PTPRD: variants seen among roughly 807,000 people sequenced by gnomAD.
The protein encoded by PTPRD is protein tyrosine phosphatase receptor type D, also known as receptor-type tyrosine-protein phosphatase delta.
PTPRD carries 34 observed loss-of-function variants against 214.5 expected under a neutral mutation model. That is an observed-to-expected ratio of 0.16 (90% confidence interval 0.12 to 0.21). PTPRD has a LOEUF of 0.21. Among genes scored for constraint, PTPRD ranks in the 10% least tolerant of loss-of-function variants. The probability of loss-of-function intolerance (pLI) is 1.00; values close to 1 mark genes in which losing one functional copy is unlikely to be tolerated. For synonymous variants in PTPRD, 1,128 were observed against 845.7 expected (o/e 1.33, Z -5.79); for missense variants, 2,545 against 2,398.7 (o/e 1.06, Z -1.27).
chr9:9,468,951 A>G (rs1282759965), intron 8 of PTPRD, among the ~76,000 whole-genome samples: 1 of 152,126 alleles, frequency 6.6e-6, no homozygotes, highest in Non-Finnish European at 1.5e-5. Flanking sequence ...GGTTACATCA[A>G]AATCTCACAG....
intron 2 of PTPRD, among the ~76,000 whole-genome samples, chr9:10,448,536 T>C (rs910000057): frequency 5.3e-5 from 8 of 152,012 alleles, no homozygotes; most frequent in African/African-American, 1.9e-4. Flanking sequence ...GTGGGTAAAG[T>C]GGCAAGTGAT....
chr9:9,550,962 G>T (rs2080073182), intron 8 of PTPRD, among the ~76,000 whole-genome samples: 1 of 151,838 alleles, frequency 6.6e-6, no homozygotes, highest in South Asian at 2.1e-4. Context: ...GGCAAGTAGA[G>T]AAACTGTATC....
chr9:10,506,604 T>C (rs1416524766), intron 2 of PTPRD, among the ~76,000 whole-genome samples: 1 of 152,104 alleles, frequency 6.6e-6, no homozygotes, highest in Non-Finnish European at 1.5e-5. Context: ...ACACCTACTA[T>C]GTATTCACAC....
intron 4 of PTPRD, among the ~76,000 whole-genome samples, chr9:9,972,939 G>T (rs368700268): frequency 6.6e-6 from 1 of 152,092 alleles, no homozygotes; most frequent in Non-Finnish European, 1.5e-5. Context: ...TTTTGCCTTT[G>T]TAAGGTAGCA....
At chr9:9,345,829 T>G (rs1236505398) in intron 9 of PTPRD, among the ~76,000 whole-genome samples, 1 of 152,132 alleles carries the variant, frequency 6.6e-6, no homozygotes, top group African/African-American at 2.4e-5. Flanking sequence ...AAACATTAGG[T>G]TATTGTGATG....
intron 3 of PTPRD, among the ~76,000 whole-genome samples, chr9:10,215,448 C>T (rs896174070): frequency 2.0e-5 from 3 of 152,024 alleles, no homozygotes; most frequent in African/African-American, 7.2e-5. Flanking sequence ...TAAATTTAAC[C>T]TCGTGAGACA....
At chr9:9,809,264 A>AT (rs58701533) in intron 5 of PTPRD, among the ~76,000 whole-genome samples, 12,799 of 118,126 alleles carry the variant, frequency 0.11, 1,669 homozygotes, top group East Asian at 0.7. Context: ...GCCACAAGAG[A>AT]TTTTTTTTTT....
Position 8,859,423 on chromosome 9 carries a change from G to T in PTPRD, c.-103-125477C>A, listed in dbSNP as rs150431053. Among the ~76,000 whole-genome samples, 1,180 of 152,276 alleles carry T rather than the reference G, an allele frequency of 7.7e-3. 16 individuals carry two copies. The highest frequency in any genetic ancestry group is 0.025 in the African/African-American group (1,057 of 41,552). On this transcript the variant is annotated intron_variant, in intron 11 of 45. Transcript: ENST00000381196. ...AGCATGTGGAAAAAGTCGGCAGCTGGAAGCCACCATTGGCAGTTGGCCCAT... is the reference window on the plus strand; with the variant it reads ...AGCATGTGGAAAAAGTCGGCAGCTGTAAGCCACCATTGGCAGTTGGCCCAT...
intron 5 of PTPRD, among the ~76,000 whole-genome samples, chr9:9,780,468 G>A (rs1055352918): frequency 2.1e-4 from 32 of 152,008 alleles, no homozygotes; most frequent in African/African-American, 7.7e-4. Context: ...TCTCACCAAA[G>A]AAGATATATA....
At chr9:8,837,586 G>A (rs2097459827) in intron 11 of PTPRD, among the ~76,000 whole-genome samples, 1 of 152,048 alleles carries the variant, frequency 6.6e-6, no homozygotes, top group African/African-American at 2.4e-5. Context: ...AGCCTCAACT[G>A]CCCAAGCTCA....
chr9:9,831,025 T>C lies in PTPRD; in HGVS notation c.-367-64174A>G, dbSNP rs148569353. On this transcript the variant is annotated intron_variant, in intron 5 of 45. Coordinates refer to ENST00000381196, the MANE Select transcript of PTPRD (RefSeq NM_002839.4). ...TTTCATTAACAATTTAAGAAAGGAA[T>C]CCTAAATTGCATGCATTTTAGCATG... Among the ~76,000 whole-genome samples the C allele has an allele frequency of 5.0e-3, 763 of 152,024 alleles. 7 individuals carry two copies. The highest frequency in any genetic ancestry group is 0.017 in the African/African-American group (726 of 41,518).
At chr9:10,539,503 A>G (rs1391723911) in intron 2 of PTPRD, among the ~76,000 whole-genome samples, 1 of 152,164 alleles carries the variant, frequency 6.6e-6, no homozygotes. Flanking sequence ...ATTTTAATAG[A>G]AAGTCTAACT....
chr9:9,153,197 A>G (rs906305602), intron 10 of PTPRD, among the ~76,000 whole-genome samples: 3 of 152,248 alleles, frequency 2.0e-5, no homozygotes, highest in Non-Finnish European at 4.4e-5. Context: ...TATTTCTTCA[A>G]TAGCATCAGC....
chr9:9,710,444 C>T (rs2097704296), intron 7 of PTPRD, among the ~76,000 whole-genome samples: 1 of 152,006 alleles, frequency 6.6e-6, no homozygotes, highest in Non-Finnish European at 1.5e-5. Context: ...TAACAAAATT[C>T]AATTCATGGT....
At chr9:8,725,764 A>T (rs933375386) in intron 12 of PTPRD, among the ~76,000 whole-genome samples, 4 of 152,138 alleles carry the variant, frequency 2.6e-5, no homozygotes, top group African/African-American at 9.7e-5. Flanking sequence ...ACACATAGAG[A>T]TTTGTACCCT....
intron 3 of PTPRD, among the ~76,000 whole-genome samples, chr9:10,169,143 A>G (rs2099181687): frequency 6.6e-6 from 1 of 152,156 alleles, no homozygotes; most frequent in East Asian, 1.9e-4. Flanking sequence ...CCATTAATGT[A>G]TTGATGTCCA....
chr9:8,753,919 T>A (rs1565807268), intron 11 of PTPRD, among the ~76,000 whole-genome samples: 1 of 151,996 alleles, frequency 6.6e-6, no homozygotes, highest in African/African-American at 2.4e-5. Context: ...CTGAGGAGGT[T>A]GGATCACCTG....
chr9:10,015,307 A>G (rs2096681857), intron 4 of PTPRD, among the ~76,000 whole-genome samples: 1 of 152,178 alleles, frequency 6.6e-6, no homozygotes, highest in African/African-American at 2.4e-5. Context: ...CTTAGATTTT[A>G]TAATTATTGT....
chr9:10,469,646 T>C (rs2099017153), intron 2 of PTPRD, among the ~76,000 whole-genome samples: 1 of 152,104 alleles, frequency 6.6e-6, no homozygotes, highest in African/African-American at 2.4e-5. Flanking sequence ...GACCAAGCCA[T>C]TCTACTGCTG....
Sources: allele counts gnomAD v4.1 joint callset (sites outside exome capture counted in the v4.1 genomes callset), GRCh38; gene constraint gnomAD v4.1.1; transcripts MANE v1.5; gene names NCBI Gene and HGNC (gene_info 2026-07-23, HGNC 2026-07-21).